Variants in ANKRD62 observed in about 807,000 individuals in gnomAD.
ANKRD62 encodes the protein ankyrin repeat domain 62, also known as ankyrin repeat domain-containing protein 62.
ANKRD62 carries 61 observed loss-of-function variants against 98.8 expected under a neutral mutation model. The ratio of observed to expected loss-of-function variants is 0.62; its 90% confidence interval spans 0.50 to 0.76. The LOEUF (loss-of-function observed/expected upper bound fraction) is 0.76. Among genes scored for constraint, ANKRD62 ranks in the 30% least tolerant of loss-of-function variants. The pLI, the probability that ANKRD62 is intolerant of heterozygous loss-of-function variation, is 0.00. For synonymous variants in ANKRD62, 341 were observed against 367.9 expected (o/e 0.93, Z 0.84); for missense variants, 933 against 1,082.9 (o/e 0.86, Z 1.94).
At chr18:12,135,218 G>A in the ANKRD62 span, among the ~76,000 whole-genome samples, 1 of 112,734 alleles carries the variant, frequency 8.9e-6, no homozygotes, top group East Asian at 2.5e-4. Context: ...ACAGTCCCCA[G>A]AGTGTGATGT....
chr18:12,158,564 C>T, the ANKRD62 span, among the ~76,000 whole-genome samples: 9 of 151,316 alleles, frequency 5.9e-5, no homozygotes, highest in African/African-American at 2.2e-4. Context: ...CTCGCTGTGT[C>T]GCCCTGGCTG....
chr18:12,110,185 G>A lies in ANKRD62; in HGVS notation c.1064+2718G>A, dbSNP rs1050980283. Reference sequence around the variant, plus strand: ...TACAAAAATTAAGTTTACGAAATAAGATATTTTTGCATTGTCACTTTTTAT... The same window carrying A: ...TACAAAAATTAAGTTTACGAAATAAAATATTTTTGCATTGTCACTTTTTAT... On this transcript the variant is annotated intron_variant, in intron 8 of 13. Coordinates refer to ENST00000587848, the MANE Select transcript of ANKRD62 (RefSeq NM_001277333.2). Among the ~76,000 whole-genome samples, 10 of 152,186 alleles carry A rather than the reference G, an allele frequency of 6.6e-5. No individual in the cohort carries two copies. In the East Asian group the frequency reaches 1.9e-3, roughly 29 times the overall value.
the ANKRD62 span, among the ~76,000 whole-genome samples, chr18:12,165,303 A>G: frequency 6.6e-6 from 1 of 151,896 alleles, no homozygotes; most frequent in Non-Finnish European, 1.5e-5. Context: ...AAACACACCT[A>G]GCATTTTGTT....
At chr18:12,140,567 T>A in the ANKRD62 span, among the ~76,000 whole-genome samples, 1 of 152,206 alleles carries the variant, frequency 6.6e-6, no homozygotes, top group Non-Finnish European at 1.5e-5. Flanking sequence ...CTTCTAACAG[T>A]CAGGACCCTC....
chr18:12,097,970 T>C (rs1909217573), intron 5 of ANKRD62, among the ~76,000 whole-genome samples, 193 bp downstream of exon 5: 1 of 152,188 alleles, frequency 6.6e-6, no homozygotes, highest in African/African-American at 2.4e-5. Flanking sequence ...TGTAGGATTC[T>C]TTAACTCAAG....
At chr18:12,099,723 A>G (rs916568616) in intron 6 of ANKRD62, 41 bp downstream of exon 6, 2 of 1,209,338 alleles carry the variant, frequency 1.7e-6, no homozygotes, top group Admixed American at 3.2e-5. Flanking sequence ...TGGTCCTGTC[A>G]TAGATAAAAA....
chr18:12,170,356 C>T, the ANKRD62 span, among the ~76,000 whole-genome samples: 1 of 152,212 alleles, frequency 6.6e-6, no homozygotes, highest in Non-Finnish European at 1.5e-5. Context: ...TTTCAAAGAA[C>T]ATCTTTATTT....
the ANKRD62 span, among the ~76,000 whole-genome samples, chr18:12,162,590 T>C: frequency 2.2e-4 from 33 of 152,122 alleles, no homozygotes; most frequent in Non-Finnish European, 4.7e-4. Flanking sequence ...AAAAAATCTT[T>C]GCCCAATCCA....
At chr18:12,159,006 T>A in the ANKRD62 span, among the ~76,000 whole-genome samples, 1 of 152,204 alleles carries the variant, frequency 6.6e-6, no homozygotes, top group Non-Finnish European at 1.5e-5. Flanking sequence ...CTTCCTATGC[T>A]ATTAACCTGT....
chr18:12,112,785 A>G (rs1275130338), intron 8 of ANKRD62, among the ~76,000 whole-genome samples: 1 of 152,250 alleles, frequency 6.6e-6, no homozygotes, highest in Non-Finnish European at 1.5e-5. Context: ...CGACCTCCAC[A>G]AGGGAAGACG....
the ANKRD62 span, among the ~76,000 whole-genome samples, chr18:12,137,230 G>C: frequency 9.2e-5 from 14 of 152,076 alleles, no homozygotes; most frequent in Admixed American, 7.2e-4. Flanking sequence ...CCATCAATAT[G>C]TAATTTATTG....
chr18:12,153,056 A>G, the ANKRD62 span, among the ~76,000 whole-genome samples: 97 of 152,314 alleles, frequency 6.4e-4, no homozygotes, highest in Non-Finnish European at 1.3e-3. Context: ...TCCCATTCAC[A>G]ATGCCCACAC....
chr18:12,099,511 G>T, intron 5 of ANKRD62, 104 bp from the exon 6 acceptor site: 1 of 620,146 alleles, frequency 1.6e-6, no homozygotes, highest in Non-Finnish European at 2.5e-6. Flanking sequence ...TATAATTAAA[G>T]TTCTGATATT....
intron 5 of ANKRD62, chr18:12,098,666 A>G (rs999111712): frequency 6.6e-6 from 1 of 152,252 alleles, no homozygotes; most frequent in Non-Finnish European, 1.5e-5. Context: ...TAAGGTATCT[A>G]TGAAATGAGA....
Position 12,094,057 on chromosome 18 carries a change from C to T in ANKRD62, c.40C>T (p.Arg14Cys), listed in dbSNP as rs1166370385. Residue 14 changes from arginine (R) to cysteine (C), a missense_variant, in exon 1 of 14, where the codon CGC (arginine) becomes TGC (cysteine). Coordinates refer to ENST00000587848, the MANE Select transcript of ANKRD62 (RefSeq NM_001277333.2). ...GTCGTTCCTGGCGGCCTGCAGGAGA[C>T]GCATGGCTACCTGGAGGAAGAATCG... ...RGSFLAACRRRMATWRKNRDK... is the reference protein window; with the variant it reads ...RGSFLAACRRCMATWRKNRDK... 4 of 1,535,074 alleles carry T rather than the reference C, an allele frequency of 2.6e-6. No individual in the cohort carries two copies. The highest frequency in any genetic ancestry group is 3.5e-6 in the Non-Finnish European group (4 of 1,146,746).
intron 4 of ANKRD62, 114 bp downstream of exon 4, chr18:12,096,416 A>C (rs1332760569): frequency 1.6e-6 from 1 of 611,924 alleles, no homozygotes; most frequent in Non-Finnish European, 2.7e-6. Context: ...ATTGGGATAG[A>C]GAGAAATACC....
chr18:12,115,827 A>G (rs1241319747), intron 10 of ANKRD62, among the ~76,000 whole-genome samples: 1 of 152,114 alleles, frequency 6.6e-6, no homozygotes, highest in East Asian at 1.9e-4. Flanking sequence ...TTGTACCTGG[A>G]ATACTGTGAT....
At chr18:12,137,347 T>C in the ANKRD62 span, among the ~76,000 whole-genome samples, 2 of 152,180 alleles carry the variant, frequency 1.3e-5, no homozygotes, top group African/African-American at 4.8e-5. Flanking sequence ...TGCTGGATTA[T>C]GTTTATTGAT....
At chr18:12,137,971 T>C in the ANKRD62 span, among the ~76,000 whole-genome samples, 1 of 152,196 alleles carries the variant, frequency 6.6e-6, no homozygotes, top group Non-Finnish European at 1.5e-5. Context: ...GGTCTATCAA[T>C]TTTGTTGATC....
Sources: gnomAD v4.1 joint callset for allele counts (sites outside exome capture counted in the v4.1 genomes callset) on GRCh38, gnomAD v4.1.1 for gene constraint, MANE v1.5 for transcripts, NCBI Gene and HGNC (gene_info 2026-07-23, HGNC 2026-07-21) for gene names.